The following COL22A1 variants were observed in gnomAD, a reference collection of about 807,000 sequenced individuals.
COL22A1 encodes the protein collagen alpha-1(XXII) chain.
A neutral mutation model predicts 248.9 loss-of-function variants in COL22A1; 221 were observed. The ratio of observed to expected loss-of-function variants is 0.89; its 90% CI spans 0.80 to 0.99. The LOEUF (loss-of-function observed/expected upper bound fraction) is 0.99, where lower values mean the gene tolerates loss of function less well. Among genes scored for constraint, COL22A1 ranks in the 50% least tolerant of loss-of-function variants. COL22A1 has a pLI of 0.00. For synonymous variants in COL22A1, 891 were observed against 793.4 expected (o/e 1.12, Z -2.07); for missense variants, 2,240 against 2,179.0 (o/e 1.03, Z -0.56).
chr8:138,700,297 T>G (rs374282218), intron 31 of COL22A1, among the ~76,000 whole-genome samples, 153 bp from the exon 32 acceptor site: 43 of 152,372 alleles, frequency 2.8e-4, no homozygotes, highest in Middle Eastern at 3.4e-3. Context: ...ATTCACATCT[T>G]TCTTTAAAAT....
At chr8:138,652,117 T>G (rs185544521) in intron 45 of COL22A1, among the ~76,000 whole-genome samples, 1 of 152,328 alleles carries the variant, frequency 6.6e-6, no homozygotes, top group East Asian at 1.9e-4. Context: ...CCAGAGCTCC[T>G]GGGAGCCCCC....
At chr8:138,611,311 T>C (rs1184800971) in intron 56 of COL22A1, among the ~76,000 whole-genome samples, 1 of 152,192 alleles carries the variant, frequency 6.6e-6, no homozygotes, top group Non-Finnish European at 1.5e-5. Flanking sequence ...ATTGCCTCCA[T>C]TTTACAGATG....
At chr8:138,843,102 A>G (rs1821004107) in intron 4 of COL22A1, among the ~76,000 whole-genome samples, 1 of 152,120 alleles carries the variant, frequency 6.6e-6, no homozygotes, top group Non-Finnish European at 1.5e-5. Flanking sequence ...ACTGGTTAGG[A>G]GCTGCTCCTG....
Position 138,704,570 on chromosome 8 carries a change from G to A in COL22A1, c.2518-1223C>T, listed in dbSNP as rs1439665723. Among the ~76,000 whole-genome samples the A allele has an allele frequency of 4.6e-5, 7 of 152,220 alleles. No homozygotes were observed. The East Asian group carries it at 1.4e-3, about 29-fold the overall frequency. Reference sequence around the variant, plus strand: ...AGACCTGCAGCTGAGGGTCCTGACTGTTAGAAGGAAAACTAACAAACAGAA... The same window carrying A: ...AGACCTGCAGCTGAGGGTCCTGACTATTAGAAGGAAAACTAACAAACAGAA... On this transcript the variant is annotated intron_variant, in intron 30 of 64. Coordinates refer to ENST00000303045, the MANE Select transcript of COL22A1 (RefSeq NM_152888.3).
chr8:138,644,484 C>T (rs1822021391), intron 47 of COL22A1, among the ~76,000 whole-genome samples: 1 of 151,626 alleles, frequency 6.6e-6, no homozygotes, highest in African/African-American at 2.4e-5. Context: ...ACCAACTGTA[C>T]AGACCCCCTC....
At chr8:138,890,381 G>A (rs1449198757) in intron 1 of COL22A1, among the ~76,000 whole-genome samples, 4 of 152,248 alleles carry the variant, frequency 2.6e-5, no homozygotes, top group African/African-American at 7.2e-5. Context: ...CAGCAACTAG[G>A]CAAGAAAAAG....
chr8:138,818,546 C>T (rs554558227), intron 7 of COL22A1, among the ~76,000 whole-genome samples: 14 of 152,274 alleles, frequency 9.2e-5, no homozygotes, highest in African/African-American at 2.4e-4. Context: ...ACCTGGAAGA[C>T]GGGCTGCGTG....
intron 8 of COL22A1, among the ~76,000 whole-genome samples, chr8:138,812,358 G>A (rs1818312430): frequency 1.3e-5 from 2 of 152,180 alleles, no homozygotes; most frequent in Non-Finnish European, 2.9e-5. Flanking sequence ...GGCTAACCAG[G>A]CATTGCGTGG....
intron 41 of COL22A1, among the ~76,000 whole-genome samples, chr8:138,674,738 T>G (rs1825369886): frequency 1.3e-5 from 2 of 152,114 alleles, no homozygotes; most frequent in South Asian, 4.2e-4. Flanking sequence ...GTGATGGGGG[T>G]GCCTCATTCA....
Position 138,646,699 on chromosome 8 carries a change from A to T in COL22A1, c.3448-17T>A. 6.5e-7 allele frequency: 1 copy of T among 1,541,776 alleles called. No homozygotes were observed. On this transcript the variant is annotated splice_polypyrimidine_tract_variant and intron_variant, in intron 46 of 64. Coordinates refer to ENST00000303045, the MANE Select transcript of COL22A1 (RefSeq NM_152888.3). Reference sequence around the variant, plus strand: ...AGCCTCTCCCTGTATCAGGGATACAAGAAAAAAAAAGAAAACAAGAATGAG... The same window carrying T: ...AGCCTCTCCCTGTATCAGGGATACATGAAAAAAAAAGAAAACAAGAATGAG...
At chr8:138,713,886 G>C (rs920073608) in intron 30 of COL22A1, among the ~76,000 whole-genome samples, 1 of 152,278 alleles carries the variant, frequency 6.6e-6, no homozygotes, top group African/African-American at 2.4e-5. Flanking sequence ...TATCCTGGGT[G>C]CTGGCTTGGC....
At chr8:138,883,364 G>A (rs1824391601) in intron 1 of COL22A1, 120 bp from the exon 2 acceptor site, 9 of 597,512 alleles carry the variant, frequency 1.5e-5, no homozygotes, top group South Asian at 4.4e-5. Flanking sequence ...CTTCCCTCCC[G>A]GATTCAACTC....
chr8:138,638,984 T>C (rs139078274), intron 47 of COL22A1, among the ~76,000 whole-genome samples: 474 of 152,284 alleles, frequency 3.1e-3, no homozygotes, highest in African/African-American at 0.01. Flanking sequence ...CCAAGCCTGA[T>C]TCACTTCCTT....
At chr8:138,654,560 A>C (rs1823050678) in intron 45 of COL22A1, among the ~76,000 whole-genome samples, 1 of 152,194 alleles carries the variant, frequency 6.6e-6, no homozygotes, top group African/African-American at 2.4e-5. Flanking sequence ...GGAAGGGACC[A>C]GTCACAAAAT....
At position 138,805,470 on chromosome 8, in the gene COL22A1, A is replaced by G. The variant is rs188892116; in HGVS notation, c.1494+2298T>C. On this transcript the variant is annotated intron_variant, in intron 10 of 64. Transcript: ENST00000303045. ...TGGTGTGTGTGATGGTGTGTGTGTA[A>G]TGATATGGGATGGCATGTGATGGTG... Among the ~76,000 whole-genome samples the G allele has an allele frequency of 3.1e-3, 254 of 82,124 alleles. 1 individual carries two copies. The highest frequency in any genetic ancestry group is 3.9e-3 in the Non-Finnish European group (163 of 41,954). 53.9% of individuals were successfully genotyped at this position (82,124 alleles called of 152,430 possible).
At chr8:138,844,259 TG>T in intron 3 of COL22A1, 101 bp from the exon 4 acceptor site, 1 of 1,055,382 alleles carries the variant, frequency 9.5e-7, no homozygotes, top group Admixed American at 1.7e-5. Context: ...CCTTGCAGCA[TG>T]TGAGGTGTTC....
At chr8:138,890,761 C>T (rs1825005684) in intron 1 of COL22A1, among the ~76,000 whole-genome samples, 1 of 152,096 alleles carries the variant, frequency 6.6e-6, no homozygotes. Flanking sequence ...GCCTGTAATC[C>T]TAACACTTTG....
intron 1 of COL22A1, among the ~76,000 whole-genome samples, chr8:138,904,405 A>G (rs1426388922): frequency 6.6e-6 from 1 of 151,934 alleles, no homozygotes; most frequent in Admixed American, 6.6e-5. Context: ...CTGGGTCTAT[A>G]GGGTTGAAGA....
At chr8:138,786,582 T>A (rs1815536442) in intron 12 of COL22A1, among the ~76,000 whole-genome samples, 1 of 152,194 alleles carries the variant, frequency 6.6e-6, no homozygotes. Context: ...CCAGCTGGAC[T>A]CATCATCAGC....
Sources: allele counts gnomAD v4.1 joint callset (sites outside exome capture counted in the v4.1 genomes callset), GRCh38; gene constraint gnomAD v4.1.1; transcripts MANE v1.5; gene names NCBI Gene and HGNC (gene_info 2026-07-23, HGNC 2026-07-21).